The following CDH12 variants were observed in gnomAD, a reference collection of about 807,000 sequenced individuals.
CDH12 encodes cadherin 12.
In CDH12, 41 loss-of-function variants were observed where a neutral mutation model predicts 74.1. The observed-to-expected ratio is 0.55, with a 90% CI of 0.43 to 0.72. CDH12 has a LOEUF of 0.72. Among genes scored for constraint, CDH12 ranks in the 30% least tolerant of loss-of-function variants. CDH12 has a pLI of 0.00. For missense variants in CDH12, 945 were observed against 977.2 expected (o/e 0.97, Z 0.44); for synonymous variants, 399 against 355.0 (o/e 1.12, Z -1.39).
At chr5:22,850,757 T>G (rs1311860277) in intron 1 of CDH12, among the ~76,000 whole-genome samples, 2 of 152,092 alleles carry the variant, frequency 1.3e-5, no homozygotes, top group Non-Finnish European at 2.9e-5. Flanking sequence ...TACAACAGAG[T>G]CTGCTAGTAG....
At chr5:22,807,736 C>A (rs1748889889) in intron 1 of CDH12, among the ~76,000 whole-genome samples, 1 of 152,028 alleles carries the variant, frequency 6.6e-6, no homozygotes, top group Admixed American at 6.6e-5. Flanking sequence ...ATAAACATAC[C>A]TAAACATAGA....
rs71609770 is a variant in CDH12 at position 22,532,350 on chromosome 5, GATATATATATATATAT to G, written c.-522-27002_-522-26987del. The stretch of plus-strand genomic sequence containing the variant: ...TCTAACAGATAAATTATATAAATAG[GATATATATATATATAT>G]ATATATATATATGTATGTATCCTAT... On this transcript the variant is annotated intron_variant, in intron 1 of 14. Transcript: ENST00000382254. Among the ~76,000 whole-genome samples, 134 of 27,562 alleles carry G rather than the reference GATATATATATATATAT, an allele frequency of 4.9e-3. 17 individuals are homozygous for G. Among genetic ancestry groups the G allele is most frequent in the South Asian group, 7.5e-3 (5 of 666 alleles). The allele number at this position is 27,562 out of a possible 152,430, so 18.1% of individuals were successfully genotyped here.
intron 6 of CDH12, among the ~76,000 whole-genome samples, chr5:21,863,292 T>C (rs186523465): frequency 1.3e-5 from 2 of 152,240 alleles, no homozygotes; most frequent in African/African-American, 4.8e-5. Flanking sequence ...GACATTTGCC[T>C]CACCGTTGAT....
chr5:22,613,401 T>C (rs932574287), intron 1 of CDH12, among the ~76,000 whole-genome samples: 1 of 152,068 alleles, frequency 6.6e-6, no homozygotes, highest in African/African-American at 2.4e-5. Context: ...TTTTAGATGA[T>C]TGTAATCTTG....
intron 1 of CDH12, among the ~76,000 whole-genome samples, chr5:22,843,285 T>A (rs1737157932): frequency 6.6e-6 from 1 of 152,060 alleles, no homozygotes; most frequent in African/African-American, 2.4e-5. Flanking sequence ...TGACATGAAC[T>A]AATGGACCAT....
intron 2 of CDH12, among the ~76,000 whole-genome samples, chr5:22,479,376 C>G (rs1462007355): frequency 6.6e-6 from 1 of 152,146 alleles, no homozygotes; most frequent in Non-Finnish European, 1.5e-5. Flanking sequence ...TTTGAGCTAA[C>G]AGTGAGAGAG....
At chr5:22,465,698 C>T (rs1265192643) in intron 2 of CDH12, among the ~76,000 whole-genome samples, 1 of 152,034 alleles carries the variant, frequency 6.6e-6, no homozygotes, top group South Asian at 2.1e-4. Flanking sequence ...GAACACTTGA[C>T]GTATTTCTCC....
chr5:21,849,163 T>G (rs1312305425), intron 7 of CDH12, among the ~76,000 whole-genome samples: 3 of 151,870 alleles, frequency 2.0e-5, no homozygotes, highest in Non-Finnish European at 2.9e-5. Flanking sequence ...TAACTCACAC[T>G]ATGTATTGAT....
At chr5:22,249,438 G>T (rs1201269261) in intron 3 of CDH12, among the ~76,000 whole-genome samples, 4 of 152,268 alleles carry the variant, frequency 2.6e-5, no homozygotes, top group African/African-American at 7.2e-5. Flanking sequence ...TGACAGAAAA[G>T]ACAGCTGTGT....
intron 8 of CDH12, among the ~76,000 whole-genome samples, chr5:21,832,875 TGATATAATATTA>T (rs1561223879): frequency 1.0e-3 from 59 of 56,910 alleles, no homozygotes; most frequent in African/African-American, 8.4e-3. Context: ...ATATGATATA[TGATATAATATTA>T]ATATATATCA....
At chr5:22,257,160 TG>T (rs1342632222) in intron 3 of CDH12, among the ~76,000 whole-genome samples, 7 of 152,006 alleles carry the variant, frequency 4.6e-5, no homozygotes, top group Non-Finnish European at 8.8e-5. Flanking sequence ...CAATCCACAC[TG>T]GGGCCTTTCA....
At chr5:22,428,354 A>G (rs1366783179) in intron 2 of CDH12, among the ~76,000 whole-genome samples, 1 of 152,116 alleles carries the variant, frequency 6.6e-6, no homozygotes, top group Non-Finnish European at 1.5e-5. Flanking sequence ...TACATGGAGT[A>G]TGAACATTAA....
At chr5:22,198,865 C>T (rs181020503) in intron 4 of CDH12, among the ~76,000 whole-genome samples, 1 of 142,712 alleles carries the variant, frequency 7.0e-6, no homozygotes, top group African/African-American at 2.5e-5. Context: ...TTTAACAAAC[C>T]CGACATTTTT....
chr5:22,605,809 C>G (rs1737085684), intron 1 of CDH12, among the ~76,000 whole-genome samples: 1 of 152,212 alleles, frequency 6.6e-6, no homozygotes, highest in Non-Finnish European at 1.5e-5. Flanking sequence ...TGCTTGTTTT[C>G]CATCTTGCTC....
chr5:22,107,712 G>A (rs1350704454), intron 4 of CDH12, among the ~76,000 whole-genome samples: 3 of 151,982 alleles, frequency 2.0e-5, no homozygotes, highest in African/African-American at 7.2e-5. Context: ...AACAAAGGGG[G>A]CAGGGGATAA....
intron 2 of CDH12, among the ~76,000 whole-genome samples, chr5:22,443,867 C>T (rs1399969583): frequency 6.6e-6 from 1 of 151,820 alleles, no homozygotes; most frequent in East Asian, 1.9e-4. Context: ...ACACATAAAG[C>T]ATACACATGT....
Position 22,098,205 on chromosome 5 carries a change from T to G in CDH12, c.-186-19343A>C, listed in dbSNP as rs555142749. ...ATTACCTGGGCTGTACTGCTGCAAG[T>G]CTTCAAAGACAGCCCCCATTACTTC... On this transcript the variant is annotated intron_variant, in intron 4 of 14. Transcript: ENST00000382254. Among the ~76,000 whole-genome samples the G allele has an allele frequency of 5.1e-3, 783 of 152,248 alleles. 7 individuals carry two copies. The highest frequency in any genetic ancestry group is 0.017 in the African/African-American group (722 of 41,544).
chr5:22,773,091 C>T (rs1233469528), intron 1 of CDH12, among the ~76,000 whole-genome samples: 3 of 151,904 alleles, frequency 2.0e-5, no homozygotes, highest in South Asian at 2.1e-4. Context: ...AAGTAATCTA[C>T]AGATGCATTG....
Position 22,199,315 on chromosome 5 carries a change from G to A in CDH12, c.-187+13183C>T, listed in dbSNP as rs191075910. On this transcript the variant is annotated intron_variant, in intron 4 of 14. Coordinates refer to ENST00000382254, the MANE Select transcript of CDH12 (RefSeq NM_004061.5). ...TGTGGCTACTTAGTCATGAGGGTTA[G>A]ATAACTCAGGAGTCTGTAAAAACTA... Among the ~76,000 whole-genome samples the A allele has an allele frequency of 3.5e-3, 536 of 152,318 alleles. 6 individuals carry two copies. The highest frequency in any genetic ancestry group is 0.012 in the African/African-American group (516 of 41,572).
Sources: allele counts gnomAD v4.1 joint callset (sites outside exome capture counted in the v4.1 genomes callset), GRCh38; gene constraint gnomAD v4.1.1; transcripts MANE v1.5; gene names NCBI Gene and HGNC (gene_info 2026-07-23, HGNC 2026-07-21).